The following CNTN1 variants were observed in gnomAD, a reference collection of about 807,000 sequenced individuals.
The protein encoded by CNTN1 is contactin 1.
In CNTN1, 38 loss-of-function variants were observed where a neutral mutation model predicts 126.4. The observed-to-expected ratio is 0.30, with a 90% confidence interval of 0.23 to 0.39. The LOEUF (loss-of-function observed/expected upper bound fraction) is 0.39. Ranked by LOEUF, CNTN1 falls within the 10% of genes least tolerant of loss-of-function variation. The probability of loss-of-function intolerance (pLI) is 1.00; values close to 1 mark genes in which losing one functional copy is unlikely to be tolerated. For synonymous variants in CNTN1, 413 were observed against 422.6 expected (o/e 0.98, Z 0.28); for missense variants, 1,009 against 1,248.4 (o/e 0.81, Z 2.89).
At chr12:40,886,966 T>C in intron 1 of CNTN1, among the ~76,000 whole-genome samples, 1 of 152,206 alleles carries the variant, frequency 6.6e-6, no homozygotes, top group Non-Finnish European at 1.5e-5. Flanking sequence ...TTTTGGTTAC[T>C]GTAGCCTTGT....
chr12:40,731,518 A>G (rs1942500346), intron 1 of CNTN1, among the ~76,000 whole-genome samples: 2 of 152,012 alleles, frequency 1.3e-5, no homozygotes, highest in African/African-American at 2.4e-5. Context: ...ATAAATTTCA[A>G]AAGTTTTTTA....
At chr12:40,948,258 C>CTTTTTTTT in intron 14 of CNTN1, among the ~76,000 whole-genome samples, 482 of 62,548 alleles carry the variant, frequency 7.7e-3, no homozygotes, top group Middle Eastern at 0.017. Flanking sequence ...TTCTTTCTTT[C>CTTTTTTTT]TTTTTTTTTT....
intron 1 of CNTN1, among the ~76,000 whole-genome samples, chr12:40,773,356 C>T (rs1253752558): frequency 1.3e-5 from 2 of 151,462 alleles, no homozygotes; most frequent in African/African-American, 4.8e-5. Flanking sequence ...TTACATTCAT[C>T]CTGTACAACA....
At chr12:41,016,970 T>C (rs1433710138) in intron 19 of CNTN1, 54 bp downstream of exon 19, 6 of 1,429,014 alleles carry the variant, frequency 4.2e-6, no homozygotes, top group East Asian at 2.3e-5. Context: ...CGTATTTCTC[T>C]AGCAGGCATT....
chr12:40,744,334 A>G (rs1053239681), intron 1 of CNTN1, among the ~76,000 whole-genome samples: 1 of 151,916 alleles, frequency 6.6e-6, no homozygotes, highest in East Asian at 1.9e-4. Flanking sequence ...AAAACAAAAC[A>G]CGGAGATGAA....
chr12:40,999,199 A>G (rs1313572528), intron 17 of CNTN1, among the ~76,000 whole-genome samples: 1 of 152,202 alleles, frequency 6.6e-6, no homozygotes, highest in Non-Finnish European at 1.5e-5. Flanking sequence ...GCACTCTTAT[A>G]AGCATCATAA....
At chr12:40,737,285 A>ATGTGTGTGTG (rs34925321) in intron 1 of CNTN1, among the ~76,000 whole-genome samples, 33 of 141,166 alleles carry the variant, frequency 2.3e-4, no homozygotes, top group African/African-American at 7.6e-4. Flanking sequence ...TAGGATATAT[A>ATGTGTGTGTG]TGTGTGTGTG....
intron 4 of CNTN1, 56 bp from the exon 5 acceptor site, chr12:40,922,200 G>T (rs1945465398): frequency 2.7e-6 from 4 of 1,483,396 alleles, no homozygotes; most frequent in Non-Finnish European, 3.8e-6. Flanking sequence ...TGTTAGCTCC[G>T]TAGAGTTTCT....
At chr12:41,039,980 T>C (rs1377370049) in intron 23 of CNTN1, among the ~76,000 whole-genome samples, 2 of 152,096 alleles carry the variant, frequency 1.3e-5, no homozygotes, top group South Asian at 2.1e-4. Context: ...CTCAAAAATA[T>C]AACTAAAGAA....
At chr12:40,994,279 T>G (rs1948160994) in intron 17 of CNTN1, among the ~76,000 whole-genome samples, 1 of 152,104 alleles carries the variant, frequency 6.6e-6, no homozygotes, top group African/African-American at 2.4e-5. Context: ...AAGAATGGTG[T>G]TCAGCTAAGA....
In CNTN1 at chr12:40,862,208, T is replaced by TACACACACACACACAC. The variant is rs145686900; in HGVS notation, c.-76-46136_-76-46121dup. 4.5e-3 allele frequency among the ~76,000 whole-genome samples: 668 copies of TACACACACACACACAC among 147,354 alleles called. 5 individuals carry two copies. Among genetic ancestry groups the TACACACACACACACAC allele is most frequent in the African/African-American group, 0.015 (595 of 39,442 alleles). ...GACAGAGTGAGACCTTGTCTCTTAA[T>TACACACACACACACAC]ACACACACACACACACACACACACA... is the stretch of plus-strand genomic sequence containing the variant. On this transcript the variant is annotated intron_variant, in intron 1 of 23. Transcript: ENST00000551295.
At chr12:40,777,776 A>C (rs2136443914) in intron 1 of CNTN1, among the ~76,000 whole-genome samples, 1 of 151,934 alleles carries the variant, frequency 6.6e-6, no homozygotes, top group South Asian at 2.1e-4. Context: ...ACTGTTTAGT[A>C]GCTTAACCTT....
intron 1 of CNTN1, among the ~76,000 whole-genome samples, chr12:40,752,510 G>A (rs563828166): frequency 2.6e-5 from 4 of 152,104 alleles, no homozygotes; most frequent in South Asian, 2.1e-4. Flanking sequence ...AAATATCTAC[G>A]TAGAGGATCG....
chr12:41,070,628 T>A lies in CNTN1; in HGVS notation c.*593T>A, dbSNP rs1950140563. On this transcript the variant is annotated 3_prime_UTR_variant, in exon 24 of 24. Transcript: ENST00000551295. The stretch of plus-strand genomic sequence containing the variant: ...TCATGAGTTGAAAGATTTTGACTAT[T>A]GAAAACCAAATTCTAGAACTTACTA... The A allele has an allele frequency of 2.0e-5, 3 of 152,644 alleles. No homozygotes were observed. In the South Asian group the frequency reaches 6.2e-4, roughly 31 times the overall value. The allele number at this position is 152,644 out of a possible 1,614,324, so 9.5% of individuals were successfully genotyped here. A position where few individuals can be genotyped will look rare whatever the true frequency, so the allele number is the denominator to read the frequency against.
chr12:40,901,457 A>G (rs1944606500), intron 1 of CNTN1, among the ~76,000 whole-genome samples: 1 of 152,204 alleles, frequency 6.6e-6, no homozygotes, highest in African/African-American at 2.4e-5. Flanking sequence ...TAGCTCAAGC[A>G]TCTGATTTTA....
At chr12:40,940,027 A>C (rs181769673) in intron 12 of CNTN1, among the ~76,000 whole-genome samples, 3 of 152,300 alleles carry the variant, frequency 2.0e-5, no homozygotes, top group Admixed American at 2.0e-4. Context: ...AAAATGAAAA[A>C]GCAGTGTACA....
At chr12:40,719,220 TC>T (rs1471939136) in intron 1 of CNTN1, among the ~76,000 whole-genome samples, 3 of 152,206 alleles carry the variant, frequency 2.0e-5, no homozygotes, top group South Asian at 2.1e-4. Context: ...TTATGGATAT[TC>T]TTTTTTTATA....
chr12:41,061,625 A>G, intron 23 of CNTN1: 1 of 311,522 alleles, frequency 3.2e-6, no homozygotes. Context: ...ATAAGGGAAA[A>G]TGTAACAAAT....
chr12:41,014,571 G>T (rs1038460384), intron 18 of CNTN1, among the ~76,000 whole-genome samples: 1 of 152,130 alleles, frequency 6.6e-6, no homozygotes, highest in Non-Finnish European at 1.5e-5. Context: ...GAGATACTTT[G>T]ATCATTGTAG....
Sources: gnomAD v4.1 joint callset for allele counts (sites outside exome capture counted in the v4.1 genomes callset) on GRCh38, gnomAD v4.1.1 for gene constraint, MANE v1.5 for transcripts, NCBI Gene and HGNC (gene_info 2026-07-23, HGNC 2026-07-21) for gene names.